Variants in PTPRN2 observed in about 807,000 individuals in gnomAD.
PTPRN2 encodes protein tyrosine phosphatase receptor type N2, also known as receptor-type tyrosine-protein phosphatase N2.
Under a neutral mutation model 118.8 loss-of-function variants are expected in PTPRN2, and 74 were observed. The ratio of observed to expected loss-of-function variants is 0.62; its 90% CI spans 0.52 to 0.76. PTPRN2 has a LOEUF of 0.76. Among genes scored for constraint, PTPRN2 ranks in the 30% least tolerant of loss-of-function variants. The pLI, the probability that PTPRN2 is intolerant of heterozygous loss-of-function variation, is 0.00. For missense variants in PTPRN2, 1,481 were observed against 1,394.4 expected (o/e 1.06, Z -0.99); for synonymous variants, 641 against 608.0 (o/e 1.05, Z -0.80).
At chr7:157,994,426 G>A (rs1431228628) in intron 11 of PTPRN2, among the ~76,000 whole-genome samples, 3 of 151,208 alleles carry the variant, frequency 2.0e-5, no homozygotes, top group East Asian at 3.9e-4. Context: ...AGATGCCTGT[G>A]TTTCCCACAG....
At chr7:157,803,289 C>G (rs1221939763) in intron 12 of PTPRN2, among the ~76,000 whole-genome samples, 1 of 152,166 alleles carries the variant, frequency 6.6e-6, no homozygotes, top group Non-Finnish European at 1.5e-5. Context: ...AATATTAACT[C>G]CTTATCCGTT....
chr7:158,072,925 T>A (rs554207154), intron 11 of PTPRN2, among the ~76,000 whole-genome samples: 9 of 152,272 alleles, frequency 5.9e-5, no homozygotes, highest in Admixed American at 5.9e-4. Context: ...CCTGAGCTTG[T>A]CCCAAGGGGC....
At chr7:158,391,303 C>T (rs1428965987) in intron 2 of PTPRN2, among the ~76,000 whole-genome samples, 1 of 152,218 alleles carries the variant, frequency 6.6e-6, no homozygotes, top group Non-Finnish European at 1.5e-5. Flanking sequence ...CCTGGAAGCC[C>T]AGGCGCCACC....
chr7:158,187,615 G>A (rs1195387093), intron 5 of PTPRN2, among the ~76,000 whole-genome samples: 1 of 152,174 alleles, frequency 6.6e-6, no homozygotes, highest in Non-Finnish European at 1.5e-5. Flanking sequence ...AAGAAAATGA[G>A]TTCTGGGTTT....
intron 1 of PTPRN2, among the ~76,000 whole-genome samples, chr7:158,503,128 T>C (rs1438282227): frequency 2.6e-5 from 4 of 151,790 alleles, no homozygotes; most frequent in Non-Finnish European, 5.9e-5. Flanking sequence ...ACTGTGTCCA[T>C]AAGCCACTGT....
intron 3 of PTPRN2, among the ~76,000 whole-genome samples, chr7:158,289,150 G>A (rs1031977414): frequency 6.6e-6 from 1 of 152,038 alleles, no homozygotes; most frequent in African/African-American, 2.4e-5. Context: ...TCTCAGTATA[G>A]TCTTATTTGG....
intron 1 of PTPRN2, among the ~76,000 whole-genome samples, chr7:158,549,334 C>T (rs983461315): frequency 2.0e-5 from 3 of 152,212 alleles, no homozygotes; most frequent in South Asian, 2.1e-4. Flanking sequence ...CCCACGTGGA[C>T]GCCGTGCCCT....
chr7:157,973,648 C>G (rs1802510081), intron 11 of PTPRN2, among the ~76,000 whole-genome samples: 1 of 152,170 alleles, frequency 6.6e-6, no homozygotes, highest in Non-Finnish European at 1.5e-5. Context: ...TTAGATGGCT[C>G]TCCTTGAATC....
chr7:157,608,513 G>A (rs1169835735), intron 15 of PTPRN2, among the ~76,000 whole-genome samples: 2 of 152,178 alleles, frequency 1.3e-5, no homozygotes, highest in South Asian at 2.1e-4. Flanking sequence ...TTCCTCGTGC[G>A]GAGAGTTCAT....
At chr7:158,151,444 T>C (rs62480240) in intron 6 of PTPRN2, among the ~76,000 whole-genome samples, 890 of 6,202 alleles carry the variant, frequency 0.14, no homozygotes, top group Admixed American at 0.18. Context: ...TATTCCTGCC[T>C]CTCCCTGCCC....
At chr7:157,761,384 A>G (rs1802118033) in intron 12 of PTPRN2, among the ~76,000 whole-genome samples, 1 of 149,564 alleles carries the variant, frequency 6.7e-6, no homozygotes, top group African/African-American at 2.5e-5. Context: ...ACAGCATGGT[A>G]CTGGTACCAA....
intron 12 of PTPRN2, among the ~76,000 whole-genome samples, chr7:157,791,304 C>T (rs113526845): frequency 2.9e-4 from 44 of 152,232 alleles, no homozygotes; most frequent in African/African-American, 1.0e-3. Flanking sequence ...GAACACGATG[C>T]AACACCCGAT....
intron 12 of PTPRN2, among the ~76,000 whole-genome samples, chr7:157,777,340 A>C (rs1048408702): frequency 2.7e-5 from 4 of 148,024 alleles, no homozygotes; most frequent in African/African-American, 1.0e-4. Context: ...GAGGACACGC[A>C]GTGCCCCACA....
At chr7:158,044,307 C>T (rs73171536) in intron 11 of PTPRN2, among the ~76,000 whole-genome samples, 9,351 of 152,164 alleles carry the variant, frequency 0.061, 415 homozygotes, top group African/African-American at 0.12. Context: ...AGACTGTGGG[C>T]GGCCACAGCC....
In PTPRN2 at chr7:158,528,296, C is replaced by T. The variant is rs1824942477; in HGVS notation, c.113-38511G>A. On this transcript the variant is annotated intron_variant, in intron 1 of 22. Transcript: ENST00000389418. The stretch of plus-strand genomic sequence containing the variant: ...CGGGGGCACCCGCCTGGGCAGCCTC[C>T]AGATGCTGCTGAGGTTTGCCATGGG... Among the ~76,000 whole-genome samples the T allele has an allele frequency of 2.0e-5, 3 of 152,178 alleles. No homozygotes were observed. In the South Asian group the frequency reaches 6.2e-4, roughly 32 times the overall value.
At chr7:158,265,931 C>G (rs547547810) in intron 3 of PTPRN2, among the ~76,000 whole-genome samples, 1 of 152,338 alleles carries the variant, frequency 6.6e-6, no homozygotes, top group South Asian at 2.1e-4. Flanking sequence ...CAGCTTCTCT[C>G]TCTAGCATGC....
At chr7:157,584,483 C>T (rs80105463) in intron 17 of PTPRN2, among the ~76,000 whole-genome samples, 4,008 of 152,286 alleles carry the variant, frequency 0.026, 143 homozygotes, top group East Asian at 0.13. Context: ...GGCAGAAGTC[C>T]TCCAGGACTT....
chr7:157,836,815 T>G (rs1807964806), intron 12 of PTPRN2, among the ~76,000 whole-genome samples: 3 of 152,080 alleles, frequency 2.0e-5, no homozygotes, highest in African/African-American at 7.3e-5. Flanking sequence ...ACTTCCAAAT[T>G]GTGTCACCAA....
At chr7:157,666,001 G>T (rs927944062) in intron 13 of PTPRN2, among the ~76,000 whole-genome samples, 2 of 152,208 alleles carry the variant, frequency 1.3e-5, no homozygotes, top group African/African-American at 4.8e-5. Flanking sequence ...GGGGCCAGGG[G>T]GAGGGGTAGC....
Sources: gnomAD v4.1 joint callset for allele counts (sites outside exome capture counted in the v4.1 genomes callset) on GRCh38, gnomAD v4.1.1 for gene constraint, MANE v1.5 for transcripts, NCBI Gene and HGNC (gene_info 2026-07-23, HGNC 2026-07-21) for gene names.